The following MRPS35 variants were observed in gnomAD, a reference collection of about 807,000 sequenced individuals.
MRPS35 encodes mitochondrial ribosomal protein S35, also known as small ribosomal subunit protein mS35.
A neutral mutation model predicts 32.7 loss-of-function variants in MRPS35; 29 were observed. That is an observed-to-expected ratio of 0.89 (90% CI 0.66 to 1.21). The LOEUF (loss-of-function observed/expected upper bound fraction) is 1.21. Ranked by LOEUF, MRPS35 falls within the 50% of genes most tolerant of loss-of-function variation. The pLI is 0.00. For missense variants in MRPS35, 373 were observed against 383.8 expected (o/e 0.97, Z 0.23); for synonymous variants, 148 against 139.3 (o/e 1.06, Z -0.44).
At chr12:27,728,121 G>A in intron 5 of MRPS35, among the ~76,000 whole-genome samples, 1 of 151,966 alleles carries the variant, frequency 6.6e-6, no homozygotes, top group Non-Finnish European at 1.5e-5. Flanking sequence ...GTGAAGCTGG[G>A]GTCCAGCTTC....
chr12:27,723,548 T>G (rs143187514), intron 4 of MRPS35, among the ~76,000 whole-genome samples: 1 of 152,360 alleles, frequency 6.6e-6, no homozygotes, highest in African/African-American at 2.4e-5. Flanking sequence ...TGAGGTTCTA[T>G]TCAGCCAAAT....
intron 3 of MRPS35, among the ~76,000 whole-genome samples, chr12:27,719,220 T>A (rs2061863139): frequency 6.6e-6 from 1 of 152,224 alleles, no homozygotes; most frequent in Non-Finnish European, 1.5e-5. Context: ...TTTTTCATCA[T>A]GATTGTCATT....
chr12:27,752,310 C>CTATAATACATCT (rs1180380672), intron 7 of MRPS35, among the ~76,000 whole-genome samples: 1 of 152,098 alleles, frequency 6.6e-6, no homozygotes, highest in Admixed American at 6.6e-5. Flanking sequence ...CTTGGCATAC[C>CTATAATACATCT]TGTAATACAT....
chr12:27,725,757 G>T (rs2140762444), intron 5 of MRPS35: 2 of 128,364 alleles, frequency 1.6e-5, no homozygotes, highest in Non-Finnish European at 1.7e-5. Flanking sequence ...TGTATTTTTT[G>T]TCATTTGCTC....
chr12:27,750,393 C>T (rs763163078), intron 7 of MRPS35, among the ~76,000 whole-genome samples: 5 of 152,152 alleles, frequency 3.3e-5, no homozygotes, highest in Non-Finnish European at 7.3e-5. Context: ...TATACATAAG[C>T]ATTTGAGATA....
intron 7 of MRPS35, among the ~76,000 whole-genome samples, chr12:27,738,168 A>G (rs2061949731): frequency 6.6e-6 from 1 of 152,188 alleles, no homozygotes; most frequent in Non-Finnish European, 1.5e-5. Flanking sequence ...GAATATTTGC[A>G]TATTAATATA....
chr12:27,729,357 C>T (rs1366433999), intron 5 of MRPS35, among the ~76,000 whole-genome samples: 2 of 152,100 alleles, frequency 1.3e-5, no homozygotes, highest in Admixed American at 6.5e-5. Context: ...CTGATTCTTT[C>T]GGAAATTTCT....
chr12:27,720,811 T>C (rs1177543043), intron 4 of MRPS35, among the ~76,000 whole-genome samples: 1 of 147,974 alleles, frequency 6.8e-6, no homozygotes, highest in African/African-American at 2.7e-5. Flanking sequence ...CTTACACTAC[T>C]ACTTCTCCTT....
Position 27,710,870 on chromosome 12 carries a change from G to C in MRPS35, c.27G>C (p.Trp9Cys). The change falls in exon 1 of 8, where the codon TGG becomes TGC. Residue 9 changes from tryptophan (W) to cysteine (C), a missense_variant. Transcript: ENST00000081029. Reference sequence around the variant, plus strand: ...TGGCGGCCGCCGCGCTCCCAGCATGGCTGTCTCTGCAGTCGAGGGCAAGGA... The same window carrying C: ...TGGCGGCCGCCGCGCTCCCAGCATGCCTGTCTCTGCAGTCGAGGGCAAGGA... MAAAALPAWLSLQSRARTL... is the reference protein window; with the variant it reads MAAAALPACLSLQSRARTL... 1.2e-6 allele frequency: 2 copies of C among 1,610,434 alleles called. No individual in the cohort carries two copies. The highest frequency in any genetic ancestry group is 1.7e-6 in the Non-Finnish European group (2 of 1,179,814).
At chr12:27,719,690 A>G (rs2061865671) in intron 3 of MRPS35, 118 bp from the exon 4 acceptor site, 1 of 673,228 alleles carries the variant, frequency 1.5e-6, no homozygotes, top group Non-Finnish European at 2.5e-6. Context: ...AAAAAAAACA[A>G]ACAGATTTTA....
Position 27,732,163 on chromosome 12 carries a change from T to C in MRPS35, c.523-3284T>C, listed in dbSNP as rs142079476. 2.6e-5 allele frequency among the ~76,000 whole-genome samples: 4 copies of C among 152,342 alleles called. No homozygotes were observed. The East Asian group carries it at 7.7e-4, about 29-fold the overall frequency. On this transcript the variant is annotated intron_variant, in intron 5 of 7. Transcript: ENST00000081029. ...AACCAACAGTTGTTGAGCTCTGTTG[T>C]GTGTTGAAAAATCTCTGAACTGAGA...
rs369360390 is a variant in MRPS35 at position 27,755,830 on chromosome 12, G to A, written c.*380G>A. The A allele has an allele frequency of 6.4e-6, 1 of 156,108 alleles. No homozygotes were observed. The highest frequency in any genetic ancestry group is 1.9e-4 in the East Asian group (1 of 5,316). 9.7% of individuals were successfully genotyped at this position (156,108 alleles called of 1,614,324 possible). On this transcript the variant is annotated 3_prime_UTR_variant, in exon 8 of 8. Transcript: ENST00000081029. ...TTGGTTACCTGGGAAGGCAGGCCCA[G>A]AACCCATTTCCTTGACTTGCAGTTC...
chr12:27,735,056 G>A (rs1411690330), intron 5 of MRPS35, among the ~76,000 whole-genome samples: 1 of 152,094 alleles, frequency 6.6e-6, no homozygotes, highest in Non-Finnish European at 1.5e-5. Context: ...TCTCATAATT[G>A]CATGATAGAA....
At chr12:27,754,578 G>A (rs1399194009) in intron 7 of MRPS35, among the ~76,000 whole-genome samples, 1 of 151,446 alleles carries the variant, frequency 6.6e-6, no homozygotes, top group Non-Finnish European at 1.5e-5. Flanking sequence ...ACCAGCCTGG[G>A]CAACATGGCA....
intron 7 of MRPS35, among the ~76,000 whole-genome samples, chr12:27,741,172 A>G (rs2061963537): frequency 6.6e-6 from 1 of 152,112 alleles, no homozygotes; most frequent in Non-Finnish European, 1.5e-5. Context: ...TGTCTCAAAA[A>G]AAAAATAATA....
At chr12:27,711,277 G>A (rs2061821283) in intron 1 of MRPS35, among the ~76,000 whole-genome samples, 1 of 152,188 alleles carries the variant, frequency 6.6e-6, no homozygotes, top group South Asian at 2.1e-4. Context: ...TTGTTTATCG[G>A]GCATCGGCGC....
intron 5 of MRPS35, among the ~76,000 whole-genome samples, chr12:27,728,372 T>C (rs541944903): frequency 1.3e-5 from 2 of 152,232 alleles, no homozygotes; most frequent in East Asian, 3.8e-4. Flanking sequence ...GATTTAGTAA[T>C]TAATATTTTG....
rs1402381792 is a variant in MRPS35 at position 27,719,883 on chromosome 12, T to C, written c.382+15T>C. The C allele has an allele frequency of 1.9e-6, 3 of 1,559,530 alleles. No individual in the cohort carries two copies. In the African/African-American group the frequency reaches 4.1e-5, roughly 21 times the overall value. The stretch of plus-strand genomic sequence containing the variant: ...AGCCCTTAAAGGTAAGTGGTTATTT[T>C]CTTATATGAATTTTATATTGACTTT... On this transcript the variant is annotated intron_variant, in intron 4 of 7. Coordinates refer to ENST00000081029, the MANE Select transcript of MRPS35 (RefSeq NM_021821.4).
chr12:27,722,916 T>C (rs779304995), intron 4 of MRPS35, among the ~76,000 whole-genome samples: 2 of 152,060 alleles, frequency 1.3e-5, no homozygotes, highest in African/African-American at 2.4e-5. Context: ...TATAAGAAAA[T>C]CGTTAGCCCA....
Sources: gnomAD v4.1 joint callset for allele counts (sites outside exome capture counted in the v4.1 genomes callset) on GRCh38, gnomAD v4.1.1 for gene constraint, MANE v1.5 for transcripts, NCBI Gene and HGNC (gene_info 2026-07-23, HGNC 2026-07-21) for gene names.